Variants in DYNC1H1 observed in about 807,000 individuals in gnomAD.
DYNC1H1 encodes cytoplasmic dynein 1 heavy chain 1.
A neutral mutation model predicts 527.1 loss-of-function variants in DYNC1H1; 51 were observed. The observed-to-expected ratio is 0.10, with a 90% CI of 0.08 to 0.12. The LOEUF (loss-of-function observed/expected upper bound fraction) is 0.12. Among genes scored for constraint, DYNC1H1 ranks in the 10% least tolerant of loss-of-function variants. The pLI is 1.00. For synonymous variants in DYNC1H1, 2,189 were observed against 2,278.8 expected (o/e 0.96, Z 1.12); for missense variants, 2,771 against 5,971.8 (o/e 0.46, Z 17.66).
chr14:101,971,217 A>G (rs1373365357), intron 1 of DYNC1H1, among the ~76,000 whole-genome samples: 1 of 147,958 alleles, frequency 6.8e-6, no homozygotes, highest in Admixed American at 6.9e-5. Context: ...CCCGCCACAG[A>G]CATGCACCAC....
rs1298522132 is a variant in DYNC1H1, at chr14:102,012,870, TA to T, written c.7014+401del. ...CATGATGCAGGTGCCTGACAACACC[TA>T]CTGATCAGTAAACACAGTCAGGCCC... On this transcript the variant is annotated intron_variant, in intron 34 of 77. Transcript: ENST00000360184. The surrounding 1 kb of genome is among the most constrained non-coding windows in gnomAD (Gnocchi z 4.9). 1 of 333,934 alleles carries T rather than the reference TA, an allele frequency of 3.0e-6. No individual in the cohort carries two copies. Among genetic ancestry groups the T allele is most frequent in the Non-Finnish European group, 5.8e-6 (1 of 173,226 alleles). The allele number at this position is 333,934 out of a possible 1,614,324, so 20.7% of individuals were successfully genotyped here. A position where few individuals can be genotyped will look rare whatever the true frequency, so the allele number is the denominator to read the frequency against.
Position 102,039,723 on chromosome 14 carries a change from G to T in DYNC1H1, c.11681G>T (p.Gly3894Val). ...AMLLARIKLKGTVGEPTYDAE... is the reference protein window; with the variant it reads ...AMLLARIKLKVTVGEPTYDAE... The stretch of plus-strand genomic sequence containing the variant: ...CTGCTGGCAAGAATCAAACTGAAGG[G>T]CACCGTGGGGTAAGAGCACTCACGC... The change falls in exon 62 of 78, where the codon GGC (glycine) becomes GTC (valine). Residue 3894 changes from glycine to valine, a missense_variant. Around this residue, in one of 32 missense-constraint regions of DYNC1H1, gnomAD observed 120 missense variants for 161.9 expected, o/e 0.74. Transcript: ENST00000360184. The surrounding 1 kb of genome is among the most constrained non-coding windows in gnomAD (Gnocchi z 7.0). 1 of 1,614,230 alleles carries T rather than the reference G, an allele frequency of 6.2e-7. No individual in the cohort carries two copies. Among genetic ancestry groups the T allele is most frequent in the Non-Finnish European group, 8.5e-7 (1 of 1,180,056 alleles).
rs1214266499 is a variant in DYNC1H1, at chr14:102,004,820, C to T, written c.5108C>T (p.Thr1703Ile). The T allele has an allele frequency of 6.2e-7, 1 of 1,614,084 alleles. No homozygotes were observed. Among genetic ancestry groups the T allele is most frequent in the African/African-American group, 1.3e-5 (1 of 74,912 alleles). ...CATCCCAAAATCAATGAGTGGCTCA[C>T]ATTGGTAGAAAAGGAGATGAGAGTC... ...TEHPKINEWL[T>I]LVEKEMRVTL... is the part of the protein sequence containing the mutation. Residue 1703 changes from threonine to isoleucine, a missense_variant, in exon 25 of 78, where the codon ACA becomes ATA. Around this residue, in one of 32 missense-constraint regions of DYNC1H1, gnomAD observed 105 missense variants for 138.1 expected, o/e 0.76. Coordinates refer to ENST00000360184, the MANE Select transcript of DYNC1H1 (RefSeq NM_001376.5).
intron 42 of DYNC1H1, 133 bp from the exon 43 acceptor site, chr14:102,022,618 A>T: frequency 1.5e-5 from 19 of 1,250,898 alleles, no homozygotes; most frequent in Non-Finnish European, 2.1e-5. Flanking sequence ...ATCCATGCAT[A>T]GTAAAGGAAG....
intron 72 of DYNC1H1, 165 bp from the exon 73 acceptor site, chr14:102,047,652 T>TATATGTATATGTAC (rs1322161940): frequency 2.0e-6 from 1 of 508,374 alleles, no homozygotes; most frequent in African/African-American, 2.3e-5. Context: ...TATATATATA[T>TATATGTATATGTAC]ATATATATAT....
At position 101,964,824 on chromosome 14, in the gene DYNC1H1, G is replaced by C. The variant is rs1245576701; in HGVS notation, c.133G>C (p.Gly45Arg). ...RKLVPLLLED[G>R]GEAPAALEAA... ...GCTGGTGCCGCTGCTGCTGGAGGACGGCGGCGAGGCGCCGGCCGCGCTGGA... is the reference window on the plus strand; with the variant it reads ...GCTGGTGCCGCTGCTGCTGGAGGACCGCGGCGAGGCGCCGGCCGCGCTGGA... The change falls in exon 1 of 78, where the codon GGC (glycine) becomes CGC (arginine). Residue 45 changes from glycine to arginine, a missense_variant. Around this residue, in one of 32 missense-constraint regions of DYNC1H1, gnomAD observed 101 missense variants for 105.3 expected, o/e 0.96. Coordinates refer to ENST00000360184, the MANE Select transcript of DYNC1H1 (RefSeq NM_001376.5). The surrounding 1 kb of genome is among the most constrained non-coding windows in gnomAD (Gnocchi z 5.5). 2.5e-6 allele frequency: 4 copies of C among 1,601,682 alleles called. No homozygotes were observed. Among genetic ancestry groups the C allele is most frequent in the Non-Finnish European group, 3.4e-6 (4 of 1,175,290 alleles).
intron 1 of DYNC1H1, among the ~76,000 whole-genome samples, chr14:101,971,893 C>A (rs796864215): frequency 6.6e-4 from 100 of 152,168 alleles, no homozygotes; most frequent in African/African-American, 2.3e-3. Flanking sequence ...AAAAGTTAAC[C>A]AAGGAAGTGT....
intron 51 of DYNC1H1, among the ~76,000 whole-genome samples, chr14:102,031,166 T>C (rs1423726802): frequency 6.6e-6 from 1 of 152,226 alleles, no homozygotes; most frequent in African/African-American, 2.4e-5. Context: ...TAAATATTAC[T>C]TAAAATTGTT....
Position 101,987,471 on chromosome 14 carries a change from A to G in DYNC1H1, c.2557A>G (p.Ile853Val), listed in dbSNP as rs748291368. 1.9e-6 allele frequency: 3 copies of G among 1,614,194 alleles called. No homozygotes were observed. The highest frequency in any genetic ancestry group is 3.3e-5 in the Admixed American group (2 of 60,030). ...FQEKVDDLLI[I>V]EEKIDLEVRS... ...CCTTCAGGTGGATGATCTGCTGATC[A>G]TTGAAGAAAAAATAGACCTAGAAGT... The change falls in exon 9 of 78, where the codon ATT becomes GTT. Residue 853 changes from isoleucine to valine, a missense_variant. Coordinates refer to ENST00000360184, the MANE Select transcript of DYNC1H1 (RefSeq NM_001376.5).
At chr14:102,045,655 G>A (rs1047626841) in intron 72 of DYNC1H1, among the ~76,000 whole-genome samples, 1 of 151,830 alleles carries the variant, frequency 6.6e-6, no homozygotes, top group Non-Finnish European at 1.5e-5. Context: ...TTCTTCAAGA[G>A]TTGAAAAGTA....
intron 43 of DYNC1H1, chr14:102,023,535 G>A (rs564004986): frequency 6.2e-6 from 1 of 160,490 alleles, no homozygotes; most frequent in Admixed American, 5.9e-5. Context: ...AGCAACAAGA[G>A]CGAAACTCTG....
chr14:102,030,856 T>A (rs1041596507), intron 51 of DYNC1H1: 1 of 157,812 alleles, frequency 6.3e-6, no homozygotes, highest in African/African-American at 2.4e-5. Flanking sequence ...TCCCAGCACT[T>A]TGGGAGGCCG....
rs1257149150 is a variant in DYNC1H1, at chr14:101,988,814, C to T, written c.2830C>T (p.Gln944Ter). ...AEVDMDTDAP[Q>*]VSHKPGGEPK... ...AGTTGACATGGACACAGATGCTCCA[C>T]AAGTTAGTCACAAGCCTGGTGGAGA... is the stretch of plus-strand genomic sequence containing the variant. Residue 944 changes from glutamine (Q) to a stop codon, truncating the protein, a stop_gained, in exon 10 of 78, where the codon CAA (glutamine) becomes TAA (stop). Transcript: ENST00000360184. LOFTEE classifies it high-confidence loss of function. 1 of 1,614,212 alleles carries T rather than the reference C, an allele frequency of 6.2e-7. No homozygotes were observed. Among genetic ancestry groups the T allele is most frequent in the Admixed American group, 1.7e-5 (1 of 60,022 alleles).
chr14:101,996,937 T>C, intron 15 of DYNC1H1, 98 bp from the exon 16 acceptor site: 1 of 1,514,730 alleles, frequency 6.6e-7, no homozygotes. Flanking sequence ...TTACGTGTTT[T>C]ATAACTATAA....
chr14:101,982,883 T>A (rs532816025), intron 5 of DYNC1H1, 136 bp from the exon 6 acceptor site: 1 of 1,116,270 alleles, frequency 9.0e-7, no homozygotes, highest in Non-Finnish European at 1.3e-6. Flanking sequence ...TAACGTGTTG[T>A]TTTTTCAAAT....
rs17541317 is a variant in DYNC1H1 at position 102,027,301 on chromosome 14, G to A, written c.8886+13G>A. ...GTACCAGATTAAGGTGCGTCTGGTC[G>A]GTGGCCTCTTAATCCCAGCAACAGA... On this transcript the variant is annotated intron_variant, in intron 45 of 77. Coordinates refer to ENST00000360184, the MANE Select transcript of DYNC1H1 (RefSeq NM_001376.5). The surrounding 1 kb of genome is among the most constrained non-coding windows in gnomAD (Gnocchi z 7.7). 5.6e-4 allele frequency: 905 copies of A among 1,614,024 alleles called. 8 individuals carry two copies. In the African/African-American group the frequency reaches 0.011, roughly 19 times the overall value.
Position 102,012,568 on chromosome 14 carries a change from T to C in DYNC1H1, c.7014+98T>C. 6.8e-7 allele frequency: 1 copy of C among 1,468,858 alleles called. No homozygotes were observed. The allele number at this position is 1,468,858 out of a possible 1,614,324, so 91.0% of individuals were successfully genotyped here. A position where few individuals can be genotyped will look rare whatever the true frequency, so the allele number is the denominator to read the frequency against. ...GCAGCTCTGGAGTCATGGACCCAGA[T>C]TCCATGGAGTAGTGATCATTGTGTA... On this transcript the variant is annotated intron_variant, in intron 34 of 77. Transcript: ENST00000360184. This position sits in a 1 kb window ranked among gnomAD's most constrained non-coding sequence, Gnocchi z 4.9.
chr14:102,047,598 T>C lies in DYNC1H1; in HGVS notation c.13007-219T>C, dbSNP rs568153115. 9.1e-5 allele frequency: 34 copies of C among 374,934 alleles called. 1 individual carries two copies. Among genetic ancestry groups the C allele is most frequent in the Middle Eastern group, 8.4e-4 (1 of 1,190 alleles). 23.2% of individuals were successfully genotyped at this position (374,934 alleles called of 1,614,324 possible). A position where few individuals can be genotyped will look rare whatever the true frequency, so the allele number is the denominator to read the frequency against. On this transcript the variant is annotated intron_variant, in intron 72 of 77. Coordinates refer to ENST00000360184, the MANE Select transcript of DYNC1H1 (RefSeq NM_001376.5). ...ATACATACACATACGTATATATATA[T>C]ACACATATATGTATATATACACGTG...
Position 102,012,034 on chromosome 14 carries a change from A to G in DYNC1H1, c.6778A>G (p.Ser2260Gly). 2 of 1,614,170 alleles carry G rather than the reference A, an allele frequency of 1.2e-6. No homozygotes were observed. The highest frequency in any genetic ancestry group is 1.7e-6 in the Non-Finnish European group (2 of 1,180,036). Residue 2260 changes from serine (S) to glycine (G), a missense_variant, in exon 33 of 78, where the codon AGC becomes GGC. Coordinates refer to ENST00000360184, the MANE Select transcript of DYNC1H1 (RefSeq NM_001376.5). The surrounding 1 kb of genome is among the most constrained non-coding windows in gnomAD (Gnocchi z 4.9). ...VAHIIDPKAISKDHLYGTLDP... is the reference protein window; with the variant it reads ...VAHIIDPKAIGKDHLYGTLDP... ...CCATATCATCGACCCCAAGGCCATC[A>G]GCAAAGACCACCTCTACGGAACCCT...
Sources: gnomAD v4.1 joint callset for allele counts (sites outside exome capture counted in the v4.1 genomes callset) on GRCh38, gnomAD v4.1.1 for gene constraint, gnomAD v4.1.1 regional missense constraint, Gnocchi (gnomAD v3.1) non-coding constraint, MANE v1.5 for transcripts, NCBI Gene and HGNC (gene_info 2026-07-23, HGNC 2026-07-21) for gene names.